CHIC2: variants seen among roughly 807,000 people sequenced by gnomAD.
The protein encoded by CHIC2 is cysteine rich hydrophobic domain 2.
A neutral mutation model predicts 25.9 loss-of-function variants in CHIC2; 14 were observed. The observed-to-expected ratio is 0.54, with a 90% confidence interval of 0.36 to 0.85. The LOEUF (loss-of-function observed/expected upper bound fraction) is 0.85. Among genes scored for constraint, CHIC2 ranks in the 40% least tolerant of loss-of-function variants. The pLI, the probability that CHIC2 is intolerant of heterozygous loss-of-function variation, is 0.01. For missense variants in CHIC2, 146 were observed against 202.0 expected, an observed-to-expected ratio of 0.72 and a Z score of 1.68; for synonymous variants, 70 against 72.0, an observed-to-expected ratio of 0.97 and a Z score of 0.14.
intron 3 of CHIC2, among the ~76,000 whole-genome samples, chr4:54,038,665 A>AC (rs1716467760): frequency 6.6e-6 from 1 of 152,180 alleles, no homozygotes. Context: ...AACAGCCAAA[A>AC]CAATCTTGAA....
chr4:54,086,598 A>G, the CHIC2 span, among the ~76,000 whole-genome samples: 1 of 152,212 alleles, frequency 6.6e-6, no homozygotes, highest in Non-Finnish European at 1.5e-5. Context: ...GATGACTGCT[A>G]TGGGAGAAAA....
the CHIC2 span, among the ~76,000 whole-genome samples, chr4:54,081,403 G>C: frequency 6.6e-6 from 1 of 151,768 alleles, no homozygotes; most frequent in African/African-American, 2.4e-5. Flanking sequence ...TTAGTAGAGT[G>C]TCTGGCATGG....
intron 3 of CHIC2, among the ~76,000 whole-genome samples, chr4:54,035,326 T>C (rs1279649016): frequency 6.6e-6 from 1 of 152,190 alleles, no homozygotes; most frequent in Non-Finnish European, 1.5e-5. Flanking sequence ...TACTTCTTCC[T>C]TAAATTTTGT....
chr4:54,058,547 C>G (rs1330780173), intron 1 of CHIC2, among the ~76,000 whole-genome samples: 2 of 111,432 alleles, frequency 1.8e-5, no homozygotes, highest in Non-Finnish European at 3.6e-5. Flanking sequence ...CACATACACA[C>G]ATACACACAC....
At chr4:54,086,472 G>A in the CHIC2 span, among the ~76,000 whole-genome samples, 1 of 152,142 alleles carries the variant, frequency 6.6e-6, no homozygotes, top group East Asian at 1.9e-4. Flanking sequence ...CTCATAGGGT[G>A]GTTGTTCTCA....
At position 54,019,918 on chromosome 4, in the gene CHIC2, TAA is replaced by T. The variant is rs569815415; in HGVS notation, c.331-5801_331-5800del. 3.3e-5 allele frequency among the ~76,000 whole-genome samples: 5 copies of T among 151,880 alleles called. No individual in the cohort carries two copies. In the South Asian group the frequency reaches 1.0e-3, roughly 32 times the overall value. On this transcript the variant is annotated intron_variant, in intron 3 of 5. Coordinates refer to ENST00000263921, the MANE Select transcript of CHIC2 (RefSeq NM_012110.4). ...GTTAAAAAAAAATTATCCAAAAAATTAAGAGATAAAAATTAATAAATATAGTT... is the reference window on the plus strand; with the variant it reads ...GTTAAAAAAAAATTATCCAAAAAATTGAGATAAAAATTAATAAATATAGTT...
chr4:54,015,619 C>A (rs747512881), intron 3 of CHIC2, among the ~76,000 whole-genome samples: 1 of 152,036 alleles, frequency 6.6e-6, no homozygotes, highest in Non-Finnish European at 1.5e-5. Context: ...GTAGGGAAAT[C>A]GATTTGATTC....
At chr4:54,046,814 T>C (rs1444033403) in intron 3 of CHIC2, among the ~76,000 whole-genome samples, 3 of 152,116 alleles carry the variant, frequency 2.0e-5, no homozygotes, top group African/African-American at 7.2e-5. Flanking sequence ...CTAATTAAAC[T>C]AAAGAGCTTC....
At chr4:54,075,344 C>T in the CHIC2 span, among the ~76,000 whole-genome samples, 13 of 152,200 alleles carry the variant, frequency 8.5e-5, no homozygotes, top group African/African-American at 1.9e-4. Flanking sequence ...ACTAAATACA[C>T]GTTAGTTACT....
At chr4:54,066,244 A>G (rs1419999941), upstream of CHIC2, among the ~76,000 whole-genome samples, 2 of 152,188 alleles carry the variant, frequency 1.3e-5, no homozygotes, top group East Asian at 3.9e-4. Flanking sequence ...TTCCCTGTTC[A>G]GTACCTGCCC....
At chr4:54,064,623 C>A, upstream of CHIC2, 2 of 1,110,868 alleles carry the variant, frequency 1.8e-6, no homozygotes, top group Non-Finnish European at 2.2e-6. This position sits in a 1 kb window ranked among gnomAD's most constrained non-coding sequence, Gnocchi z 4.2. Context: ...CAGCCCGAGC[C>A]ACCCGCAGCG....
chr4:54,087,560 C>T, the CHIC2 span: 1 of 1,136,854 alleles, frequency 8.8e-7, no homozygotes, highest in Non-Finnish European at 1.2e-6. Flanking sequence ...CCTCTTGGCT[C>T]ACCCTGATGC....
chr4:54,091,429 T>G, the CHIC2 span, among the ~76,000 whole-genome samples: 2 of 151,984 alleles, frequency 1.3e-5, no homozygotes, highest in Non-Finnish European at 2.9e-5. Flanking sequence ...TCTCACACTC[T>G]CATTCACACC....
At chr4:54,037,275 G>C (rs903859554) in intron 3 of CHIC2, among the ~76,000 whole-genome samples, 1 of 151,946 alleles carries the variant, frequency 6.6e-6, no homozygotes, top group African/African-American at 2.4e-5. Flanking sequence ...GTGGAGCCTG[G>C]GAAGTCTGGG....
intron 3 of CHIC2, among the ~76,000 whole-genome samples, chr4:54,022,800 C>A (rs902978574): frequency 6.6e-6 from 1 of 152,136 alleles, no homozygotes; most frequent in Non-Finnish European, 1.5e-5. Flanking sequence ...AATATCCCAT[C>A]CCACAGCACG....
chr4:54,090,691 T>C, the CHIC2 span, among the ~76,000 whole-genome samples: 1 of 152,148 alleles, frequency 6.6e-6, no homozygotes, highest in Non-Finnish European at 1.5e-5. Flanking sequence ...AACCATCCTG[T>C]GAGAAGAGGG....
At chr4:54,088,380 A>G in the CHIC2 span, among the ~76,000 whole-genome samples, 932 of 152,340 alleles carry the variant, frequency 6.1e-3, 16 homozygotes, top group African/African-American at 0.019. Context: ...CAGTTTTCTG[A>G]AAAAGTTGAT....
At chr4:54,080,180 A>G in the CHIC2 span, among the ~76,000 whole-genome samples, 1 of 149,236 alleles carries the variant, frequency 6.7e-6, no homozygotes, top group Non-Finnish European at 1.5e-5. Context: ...ATATGTGTAT[A>G]TATATGTGTA....
chr4:54,030,260 G>A (rs1716183811), intron 3 of CHIC2, among the ~76,000 whole-genome samples: 1 of 152,138 alleles, frequency 6.6e-6, no homozygotes, highest in Non-Finnish European at 1.5e-5. Context: ...GCTCATGCCT[G>A]TAATCCCAGC....
Sources: gnomAD v4.1 joint callset for allele counts (sites outside exome capture counted in the v4.1 genomes callset) on GRCh38, gnomAD v4.1.1 for gene constraint, Gnocchi (gnomAD v3.1) non-coding constraint, MANE v1.5 for transcripts, NCBI Gene and HGNC (gene_info 2026-07-23, HGNC 2026-07-21) for gene names.